The following BMPER variants were observed in gnomAD, a reference collection of about 807,000 sequenced individuals.
BMPER encodes the protein BMP binding endothelial regulator.
In BMPER, 45 loss-of-function variants were observed where a neutral mutation model predicts 87.3. The observed-to-expected ratio is 0.52, with a 90% CI of 0.41 to 0.66. BMPER has a LOEUF of 0.66. Ranked by LOEUF, BMPER falls within the 30% of genes least tolerant of loss-of-function variation. The pLI is 0.00. For missense variants in BMPER, 784 were observed against 867.5 expected, an observed-to-expected ratio of 0.90 and a Z score of 1.21; for synonymous variants, 326 against 316.2, an observed-to-expected ratio of 1.03 and a Z score of -0.33.
At chr7:33,991,764 A>C (rs1164786131) in intron 6 of BMPER, among the ~76,000 whole-genome samples, 3 of 146,234 alleles carry the variant, frequency 2.1e-5, no homozygotes, top group African/African-American at 7.7e-5. Flanking sequence ...AGTGCTATAA[A>C]TTTCCCTCTA....
intron 13 of BMPER, among the ~76,000 whole-genome samples, chr7:34,103,270 A>G (rs576618003): frequency 6.6e-6 from 1 of 152,268 alleles, no homozygotes; most frequent in East Asian, 1.9e-4. Flanking sequence ...GTTAATGCCC[A>G]ACTATTGAAA....
At chr7:34,085,619 C>G in intron 12 of BMPER, 137 bp from the exon 13 acceptor site, 2 of 815,748 alleles carry the variant, frequency 2.5e-6, no homozygotes, top group Non-Finnish European at 4.1e-6. Context: ...TAAGAGGTAA[C>G]CAAGAATTTG....
chr7:33,927,397 G>A (rs1585644144), intron 2 of BMPER, among the ~76,000 whole-genome samples: 1 of 152,132 alleles, frequency 6.6e-6, no homozygotes, highest in Non-Finnish European at 1.5e-5. Flanking sequence ...ACAGAGATAT[G>A]GTTTTGCCAC....
chr7:34,114,496 G>A (rs561213345), intron 13 of BMPER, among the ~76,000 whole-genome samples: 19 of 152,304 alleles, frequency 1.2e-4, no homozygotes, highest in African/African-American at 4.1e-4. Context: ...TAGTTCCCAG[G>A]ATCTGTGCTG....
At chr7:34,055,121 C>T (rs370029736) in intron 8 of BMPER, 42 bp from the exon 9 acceptor site, 23 of 1,613,570 alleles carry the variant, frequency 1.4e-5, no homozygotes, top group East Asian at 1.3e-4. Flanking sequence ...TTGGTAGAGG[C>T]GAAAATCATT....
intron 6 of BMPER, among the ~76,000 whole-genome samples, chr7:34,035,039 A>G (rs1714667895): frequency 6.6e-6 from 1 of 152,156 alleles, no homozygotes; most frequent in African/African-American, 2.4e-5. Flanking sequence ...TATATGGCCT[A>G]GATTAGGATA....
chr7:33,905,907 GGAAGGCTGGTGAAGAGGTTGCGGGCTGA>G (rs1392833427), intron 1 of BMPER, among the ~76,000 whole-genome samples, 161 bp downstream of exon 1: 5 of 152,236 alleles, frequency 3.3e-5, no homozygotes, highest in African/African-American at 1.2e-4. Flanking sequence ...GGGAGGGCTG[GGAAGGCTGGTGAAGAGGTTGCGGGCTGA>G]GAGGCTGTTG....
At chr7:34,076,121 C>T (rs1056882628) in intron 11 of BMPER, among the ~76,000 whole-genome samples, 5 of 152,116 alleles carry the variant, frequency 3.3e-5, no homozygotes, top group African/African-American at 1.2e-4. Flanking sequence ...CAGCCCTGTT[C>T]ACACATGATT....
intron 13 of BMPER, among the ~76,000 whole-genome samples, chr7:34,093,540 G>A (rs916805151): frequency 1.4e-4 from 22 of 152,186 alleles, no homozygotes; most frequent in African/African-American, 4.3e-4. Flanking sequence ...GGGGCTTAAC[G>A]ATTGTCTCTT....
intron 12 of BMPER, among the ~76,000 whole-genome samples, chr7:34,082,044 G>T (rs768408416): frequency 4.6e-5 from 7 of 152,184 alleles, no homozygotes. Flanking sequence ...GAACAAGTTG[G>T]TAAAGCATTC....
intron 13 of BMPER, among the ~76,000 whole-genome samples, chr7:34,086,458 C>G (rs974661713): frequency 2.6e-5 from 4 of 152,178 alleles, no homozygotes; most frequent in African/African-American, 9.7e-5. Flanking sequence ...GAGCTGGTTC[C>G]CCTAAACGGA....
chr7:33,956,629 T>A (rs1562652132), intron 3 of BMPER, among the ~76,000 whole-genome samples: 1 of 152,012 alleles, frequency 6.6e-6, no homozygotes, highest in African/African-American at 2.4e-5. Flanking sequence ...GACCAACCAC[T>A]CCCCTTCCTC....
intron 11 of BMPER, among the ~76,000 whole-genome samples, chr7:34,067,800 G>A (rs1481210183): frequency 1.3e-5 from 2 of 152,194 alleles, no homozygotes; most frequent in African/African-American, 4.8e-5. Flanking sequence ...CACGCTGGAA[G>A]GAGCATGAGG....
Position 34,030,568 on chromosome 7 carries a change from G to A in BMPER, c.577-15738G>A, listed in dbSNP as rs143546342. On this transcript the variant is annotated intron_variant, in intron 6 of 14. Transcript: ENST00000649409. ...CACCGTTAACATCTTATGAAACAGG[G>A]TTCTCTGAAGTACTAGTTTAGAAGA... Among the ~76,000 whole-genome samples the A allele has an allele frequency of 2.3e-3, 353 of 152,062 alleles. 1 individual carries two copies. The highest frequency in any genetic ancestry group is 7.0e-3 in the African/African-American group (290 of 41,492).
At chr7:34,024,372 AAAAAAAAAAAC>A (rs1787284704) in intron 6 of BMPER, among the ~76,000 whole-genome samples, 1 of 102,988 alleles carries the variant, frequency 9.7e-6, no homozygotes, top group African/African-American at 4.7e-5. Context: ...AAAAAAAAAA[AAAAAAAAAAAC>A]AATATATATA....
rs113895589 is a variant in BMPER, at chr7:34,078,830, C to T, written c.1079-27C>T. ...TGAATCCTTGGCTTGGTTTGTGACCCGGCTTTTGTCTCTCACTCCTCCGCA... is the reference window on the plus strand; with the variant it reads ...TGAATCCTTGGCTTGGTTTGTGACCTGGCTTTTGTCTCTCACTCCTCCGCA... On this transcript the variant is annotated intron_variant, in intron 11 of 14. Coordinates refer to ENST00000649409, the MANE Select transcript of BMPER (RefSeq NM_001365308.1). 38 of 1,612,126 alleles carry T rather than the reference C, an allele frequency of 2.4e-5. No homozygotes were observed. The African/African-American group carries it at 3.3e-4, about 14-fold the overall frequency.
At chr7:34,055,368 A>G (rs1788255871) in intron 9 of BMPER, 65 bp downstream of exon 9, 1 of 1,599,148 alleles carries the variant, frequency 6.3e-7, no homozygotes, top group African/African-American at 1.3e-5. Flanking sequence ...AAAGCTCCAG[A>G]CACTAGGCAG....
At chr7:34,102,519 G>C (rs574799900) in intron 13 of BMPER, among the ~76,000 whole-genome samples, 1 of 152,184 alleles carries the variant, frequency 6.6e-6, no homozygotes, top group Admixed American at 6.5e-5. Flanking sequence ...CACACTTTGA[G>C]AACCACTGGT....
At position 34,077,953 on chromosome 7, in the gene BMPER, G is replaced by A. The variant is rs112556866; in HGVS notation, c.1079-904G>A. 2.5e-3 allele frequency among the ~76,000 whole-genome samples: 384 copies of A among 151,696 alleles called. 1 individual carries two copies. Among genetic ancestry groups the A allele is most frequent in the African/African-American group, 8.9e-3 (369 of 41,322 alleles). On this transcript the variant is annotated intron_variant, in intron 11 of 14. Coordinates refer to ENST00000649409, the MANE Select transcript of BMPER (RefSeq NM_001365308.1). Reference sequence around the variant, plus strand: ...ATTATTTGGGCTACTATCTCTAAATGGATTCCTCATTTCCTGGTTGTTTCA... The same window carrying A: ...ATTATTTGGGCTACTATCTCTAAATAGATTCCTCATTTCCTGGTTGTTTCA...
Sources: gnomAD v4.1 joint callset for allele counts (sites outside exome capture counted in the v4.1 genomes callset) on GRCh38, gnomAD v4.1.1 for gene constraint, MANE v1.5 for transcripts, NCBI Gene and HGNC (gene_info 2026-07-23, HGNC 2026-07-21) for gene names.